HTR2A: variants seen among roughly 807,000 people sequenced by gnomAD.
HTR2A encodes the protein 5-hydroxytryptamine receptor 2A.
In HTR2A, 14 loss-of-function variants were observed where a neutral mutation model predicts 31.0. That is an observed-to-expected ratio of 0.45 (90% confidence interval 0.30 to 0.71). The LOEUF (loss-of-function observed/expected upper bound fraction) is 0.71, where lower values mean the gene tolerates loss of function less well. Among genes scored for constraint, HTR2A ranks in the 30% least tolerant of loss-of-function variants. HTR2A has a pLI of 0.09. For missense variants in HTR2A, 442 were observed against 573.3 expected (o/e 0.77, Z 2.34); for synonymous variants, 209 against 225.2 (o/e 0.93, Z 0.64).
chr13:46,864,893 C>T (rs1475369341), intron 3 of HTR2A, among the ~76,000 whole-genome samples: 3 of 152,076 alleles, frequency 2.0e-5, no homozygotes, highest in Admixed American at 2.0e-4. Context: ...TCTAGTTTAG[C>T]GTTTATTCAA....
intron 3 of HTR2A, among the ~76,000 whole-genome samples, chr13:46,885,469 CAACTT>C (rs957762222): frequency 4.3e-4 from 66 of 152,274 alleles, no homozygotes; most frequent in African/African-American, 1.5e-3. Context: ...ACTGTAGTCT[CAACTT>C]AATATTTTTA....
intron 3 of HTR2A, among the ~76,000 whole-genome samples, chr13:46,855,135 T>C (rs1372263577): frequency 6.6e-6 from 1 of 152,160 alleles, no homozygotes; most frequent in African/African-American, 2.4e-5. Context: ...ATCCTGCCAA[T>C]ACCTTGATTC....
intron 3 of HTR2A, among the ~76,000 whole-genome samples, chr13:46,842,897 T>C (rs1405346687): frequency 6.6e-6 from 1 of 152,188 alleles, no homozygotes; most frequent in African/African-American, 2.4e-5. Context: ...TCCCTTTCCA[T>C]AGCTTCGGTT....
chr13:46,868,814 T>A (rs899447647), intron 3 of HTR2A, among the ~76,000 whole-genome samples: 2 of 152,148 alleles, frequency 1.3e-5, no homozygotes, highest in Non-Finnish European at 2.9e-5. Context: ...AACAAAAAAG[T>A]TATTTACTGC....
At chr13:46,857,105 T>A (rs1439209149) in intron 3 of HTR2A, among the ~76,000 whole-genome samples, 1 of 151,906 alleles carries the variant, frequency 6.6e-6, no homozygotes, top group East Asian at 1.9e-4. Flanking sequence ...ATAGAGACCA[T>A]CCTGGCCAAC....
intron 3 of HTR2A, among the ~76,000 whole-genome samples, chr13:46,873,151 TC>T (rs1037169436): frequency 2.9e-5 from 4 of 140,188 alleles, no homozygotes; most frequent in African/African-American, 1.1e-4. Flanking sequence ...TATTTTACTT[TC>T]TTTTTTTTTT....
chr13:46,893,975 G>A (rs770645002), intron 2 of HTR2A, among the ~76,000 whole-genome samples: 4 of 152,228 alleles, frequency 2.6e-5, no homozygotes, highest in Non-Finnish European at 5.9e-5. Context: ...AGCTTGAGCC[G>A]AAAGGAAAGC....
At chr13:46,848,320 A>C (rs1314011932) in intron 3 of HTR2A, among the ~76,000 whole-genome samples, 1 of 152,204 alleles carries the variant, frequency 6.6e-6, no homozygotes, top group Non-Finnish European at 1.5e-5. Flanking sequence ...TTCAGGTTAA[A>C]AGCAGCTTTA....
intron 3 of HTR2A, among the ~76,000 whole-genome samples, chr13:46,838,982 A>C (rs1327532301): frequency 6.8e-6 from 1 of 146,496 alleles, no homozygotes; most frequent in Non-Finnish European, 1.5e-5. Context: ...ACACATACAC[A>C]CACACACACA....
intron 3 of HTR2A, among the ~76,000 whole-genome samples, chr13:46,882,891 G>T (rs1950977122): frequency 6.6e-6 from 1 of 152,252 alleles, no homozygotes; most frequent in African/African-American, 2.4e-5. Flanking sequence ...GATCCACCAT[G>T]CAAACAGAAA....
chr13:46,858,592 C>T (rs1950756938), intron 3 of HTR2A, among the ~76,000 whole-genome samples: 1 of 152,034 alleles, frequency 6.6e-6, no homozygotes, highest in Non-Finnish European at 1.5e-5. Context: ...CTGGCACTGG[C>T]ATGAGTGTGA....
intron 3 of HTR2A, among the ~76,000 whole-genome samples, chr13:46,878,078 C>T (rs571235243): frequency 1.3e-5 from 2 of 152,136 alleles, no homozygotes; most frequent in Admixed American, 6.5e-5. Flanking sequence ...AAGAGAGACA[C>T]TCAAGAGTTT....
chr13:46,853,168 T>A (rs1394689493), intron 3 of HTR2A, among the ~76,000 whole-genome samples: 3 of 152,208 alleles, frequency 2.0e-5, no homozygotes, highest in Non-Finnish European at 4.4e-5. Context: ...ATGCCGTGAT[T>A]AATATCGTAC....
At chr13:46,840,740 T>C (rs1302721281) in intron 3 of HTR2A, among the ~76,000 whole-genome samples, 1 of 152,206 alleles carries the variant, frequency 6.6e-6, no homozygotes, top group Admixed American at 6.5e-5. Context: ...TTTTTAACAT[T>C]GGCTTCAGGA....
intron 3 of HTR2A, among the ~76,000 whole-genome samples, chr13:46,840,204 T>G (rs1344045993): frequency 6.6e-6 from 1 of 152,192 alleles, no homozygotes; most frequent in Non-Finnish European, 1.5e-5. Flanking sequence ...AAGACACCAC[T>G]GGTAAACACT....
intron 3 of HTR2A, among the ~76,000 whole-genome samples, chr13:46,859,553 T>C (rs1431685207): frequency 6.6e-6 from 1 of 152,100 alleles, no homozygotes; most frequent in East Asian, 1.9e-4. Flanking sequence ...TCTGATGGTT[T>C]ACCACCATCC....
upstream of HTR2A, among the ~76,000 whole-genome samples, chr13:46,897,288 G>T (rs1427824215): frequency 6.6e-6 from 1 of 152,174 alleles, no homozygotes; most frequent in Non-Finnish European, 1.5e-5. Flanking sequence ...GAAGGGTGAA[G>T]AGAGAACATA....
chr13:46,891,582 C>T (rs190906585), intron 3 of HTR2A, among the ~76,000 whole-genome samples: 2 of 152,314 alleles, frequency 1.3e-5, no homozygotes, highest in Admixed American at 1.3e-4. Context: ...CTCATATTAG[C>T]GGATGCTGGC....
chr13:46,854,946 TATAAAA>T (rs1400394478), intron 3 of HTR2A, among the ~76,000 whole-genome samples: 3 of 152,082 alleles, frequency 2.0e-5, no homozygotes, highest in African/African-American at 7.2e-5. Context: ...CGACTGAACT[TATAAAA>T]AGAGAAAAAA....
Sources: gnomAD v4.1 joint callset for allele counts (sites outside exome capture counted in the v4.1 genomes callset) on GRCh38, gnomAD v4.1.1 for gene constraint, MANE v1.5 for transcripts, NCBI Gene and HGNC (gene_info 2026-07-23, HGNC 2026-07-21) for gene names.